The following NXPH1 variants were observed in gnomAD, a reference collection of about 807,000 sequenced individuals.
NXPH1 encodes the protein neurexophilin-1.
NXPH1 carries 5 observed loss-of-function variants against 23.7 expected under a neutral mutation model. The ratio of observed to expected loss-of-function variants is 0.21; its 90% CI spans 0.11 to 0.44. NXPH1 has a LOEUF of 0.44. Ranked by LOEUF, NXPH1 falls within the 20% of genes least tolerant of loss-of-function variation. The pLI is 0.99. For missense variants in NXPH1, 324 were observed against 321.6 expected (o/e 1.01, Z -0.06); for synonymous variants, 144 against 122.2 (o/e 1.18, Z -1.18).
intron 2 of NXPH1, among the ~76,000 whole-genome samples, chr7:8,493,186 A>AT (rs907502402): frequency 1.6e-4 from 24 of 151,870 alleles, no homozygotes; most frequent in African/African-American, 5.3e-4. Flanking sequence ...ATATTATGGG[A>AT]TTTTCTGCCC....
rs565351046 is a variant in NXPH1 at position 8,711,069 on chromosome 7, T to C, written c.55-39939T>C. ...TCCTCAGCAGTTTTAAATTTAGATA[T>C]GGCAACATAACTTTCAAGTTATCTC... On this transcript the variant is annotated intron_variant, in intron 2 of 2. Coordinates refer to ENST00000405863, the MANE Select transcript of NXPH1 (RefSeq NM_152745.3). Among the ~76,000 whole-genome samples, 13 of 152,342 alleles carry C rather than the reference T, an allele frequency of 8.5e-5. No individual in the cohort carries two copies. The East Asian group carries it at 2.5e-3, about 29-fold the overall frequency.
At chr7:8,615,751 T>TAACA (rs1819719693) in intron 2 of NXPH1, among the ~76,000 whole-genome samples, 1 of 152,010 alleles carries the variant, frequency 6.6e-6, no homozygotes, top group South Asian at 2.1e-4. Context: ...TTGAAGAAGG[T>TAACA]AACACACCAG....
At chr7:8,552,140 AAAC>A (rs1818287954) in intron 2 of NXPH1, among the ~76,000 whole-genome samples, 2 of 150,064 alleles carry the variant, frequency 1.3e-5, no homozygotes, top group African/African-American at 4.9e-5. Flanking sequence ...AAAAAAAAAA[AAAC>A]CACCAAAACC....
In NXPH1 at chr7:8,658,721, C is replaced by A. The variant is rs142326390; in HGVS notation, c.55-92287C>A. 9.9e-5 allele frequency among the ~76,000 whole-genome samples: 15 copies of A among 152,078 alleles called. No individual in the cohort carries two copies. The South Asian group carries it at 2.9e-3, about 29-fold the overall frequency. On this transcript the variant is annotated intron_variant, in intron 2 of 2. Coordinates refer to ENST00000405863, the MANE Select transcript of NXPH1 (RefSeq NM_152745.3). The stretch of plus-strand genomic sequence containing the variant: ...CTATGTGTATTATTTTATAGTGTTA[C>A]GTATCGTCCTTCTTTTGGTTGCTTA...
At chr7:8,549,393 T>C (rs892154173) in intron 2 of NXPH1, among the ~76,000 whole-genome samples, 1 of 151,592 alleles carries the variant, frequency 6.6e-6, no homozygotes, top group East Asian at 2.0e-4. Context: ...CCACTACTTG[T>C]GAATCCTCAT....
At chr7:8,724,321 C>A (rs1345862000) in intron 2 of NXPH1, among the ~76,000 whole-genome samples, 1 of 152,194 alleles carries the variant, frequency 6.6e-6, no homozygotes, top group Non-Finnish European at 1.5e-5. Flanking sequence ...TGGAATGTTA[C>A]CCGGCTCTTT....
chr7:8,645,685 C>G (rs182234146), intron 2 of NXPH1, among the ~76,000 whole-genome samples: 137 of 151,922 alleles, frequency 9.0e-4, no homozygotes, highest in African/African-American at 3.3e-3. Flanking sequence ...GTATCTTGGT[C>G]TTAAAGTTAT....
intron 2 of NXPH1, among the ~76,000 whole-genome samples, chr7:8,723,785 G>A (rs1324627261): frequency 2.0e-5 from 3 of 152,136 alleles, no homozygotes; most frequent in Non-Finnish European, 1.5e-5. Context: ...AGTTAGCTTA[G>A]CTAATGGGAA....
intron 2 of NXPH1, among the ~76,000 whole-genome samples, chr7:8,595,483 T>C (rs1357543418): frequency 2.0e-5 from 3 of 151,902 alleles, no homozygotes; most frequent in Admixed American, 6.6e-5. Flanking sequence ...AACATATATA[T>C]ATAGTAATTT....
intron 2 of NXPH1, among the ~76,000 whole-genome samples, chr7:8,448,818 GAAAAAAAA>G (rs34098217): frequency 4.7e-5 from 5 of 106,086 alleles, no homozygotes; most frequent in Non-Finnish European, 9.2e-5. Flanking sequence ...TCGTCTCGGG[GAAAAAAAA>G]AAAAAAAAAA....
rs546235684 is a variant in NXPH1, at chr7:8,498,861, T to G, written c.54+63094T>G. Among the ~76,000 whole-genome samples, 9 of 152,154 alleles carry G rather than the reference T, an allele frequency of 5.9e-5. No individual in the cohort carries two copies. The South Asian group carries it at 1.9e-3, about 32-fold the overall frequency. ...AATGTGATGTCAGTCAAATAGAATG[T>G]AGGTTAGAGTTGGGTAGATAATGCA... is the stretch of plus-strand genomic sequence containing the variant. On this transcript the variant is annotated intron_variant, in intron 2 of 2. Transcript: ENST00000405863.
intron 2 of NXPH1, among the ~76,000 whole-genome samples, chr7:8,612,906 A>G (rs1354353423): frequency 6.6e-6 from 1 of 152,044 alleles, no homozygotes. Flanking sequence ...TTAGGTCTCA[A>G]TTATGCACCA....
chr7:8,750,432 A>G (rs1780544471), intron 2 of NXPH1, among the ~76,000 whole-genome samples: 1 of 152,098 alleles, frequency 6.6e-6, no homozygotes, highest in Non-Finnish European at 1.5e-5. Flanking sequence ...CCCGTTCTCT[A>G]AGTTCCCTCC....
At chr7:8,492,805 A>G (rs1269900210) in intron 2 of NXPH1, among the ~76,000 whole-genome samples, 1 of 152,024 alleles carries the variant, frequency 6.6e-6, no homozygotes, top group East Asian at 1.9e-4. Context: ...AAACTGCACA[A>G]TGAGCCTTCT....
intron 2 of NXPH1, among the ~76,000 whole-genome samples, chr7:8,703,879 A>G (rs1779665213): frequency 6.6e-6 from 1 of 152,104 alleles, no homozygotes; most frequent in Admixed American, 6.6e-5. Context: ...AACTTGCAGT[A>G]CAAAGGGATG....
At chr7:8,654,399 A>T (rs1676616791) in intron 2 of NXPH1, among the ~76,000 whole-genome samples, 1 of 152,234 alleles carries the variant, frequency 6.6e-6, no homozygotes, top group Non-Finnish European at 1.5e-5. Context: ...AAGGCCACAA[A>T]GCAAATATGA....
intron 2 of NXPH1, among the ~76,000 whole-genome samples, chr7:8,569,327 AT>A (rs1357454503): frequency 1.8e-4 from 28 of 152,038 alleles, no homozygotes; most frequent in African/African-American, 6.3e-4. Flanking sequence ...ATTGAAAGGG[AT>A]ATACGTTGTT....
chr7:8,534,290 C>T (rs181187969), intron 2 of NXPH1, among the ~76,000 whole-genome samples: 2 of 152,206 alleles, frequency 1.3e-5, no homozygotes, highest in East Asian at 3.9e-4. Context: ...TAGTACCCTT[C>T]AGAGCCATAA....
intron 2 of NXPH1, among the ~76,000 whole-genome samples, chr7:8,669,309 T>C (rs185920306): frequency 1.3e-5 from 2 of 152,278 alleles, no homozygotes; most frequent in Admixed American, 6.5e-5. Flanking sequence ...CACCCAGCTC[T>C]GTGCTGGTCT....
Sources: allele counts gnomAD v4.1 joint callset (sites outside exome capture counted in the v4.1 genomes callset), GRCh38; gene constraint gnomAD v4.1.1; transcripts MANE v1.5; gene names NCBI Gene and HGNC (gene_info 2026-07-23, HGNC 2026-07-21).